Variants in PRMT8 observed in about 807,000 individuals in gnomAD.
The protein encoded by PRMT8 is protein arginine methyltransferase 8.
Under a neutral mutation model 47.1 loss-of-function variants are expected in PRMT8, and 7 were observed. That is an observed-to-expected ratio of 0.15 (90% CI 0.08 to 0.28). The LOEUF is 0.28. Among genes scored for constraint, PRMT8 ranks in the 10% least tolerant of loss-of-function variants. The probability of loss-of-function intolerance (pLI) is 1.00; values close to 1 mark genes in which losing one functional copy is unlikely to be tolerated. For synonymous variants in PRMT8, 188 were observed against 186.5 expected (o/e 1.01, Z -0.07); for missense variants, 237 against 505.4 (o/e 0.47, Z 5.09).
chr12:3,558,126 G>A (rs1866559827), intron 4 of PRMT8, among the ~76,000 whole-genome samples: 1 of 151,992 alleles, frequency 6.6e-6, no homozygotes, highest in Admixed American at 6.6e-5. Flanking sequence ...GGGCCGGCAG[G>A]GGAGGTGGCT....
intron 1 of PRMT8, among the ~76,000 whole-genome samples, chr12:3,517,017 A>G (rs1433135310): frequency 6.6e-6 from 1 of 152,118 alleles, no homozygotes; most frequent in Non-Finnish European, 1.5e-5. Context: ...TAAAAACAAC[A>G]ACAGCAACAA....
At chr12:3,461,569 C>G (rs1327150324) in intron 1 of PRMT8, among the ~76,000 whole-genome samples, 1 of 152,224 alleles carries the variant, frequency 6.6e-6, no homozygotes, top group Non-Finnish European at 1.5e-5. Flanking sequence ...ACGGAAGCTG[C>G]CAACAGCCCT....
At chr12:3,575,562 C>T (rs1165110692) in intron 6 of PRMT8, among the ~76,000 whole-genome samples, 1 of 152,210 alleles carries the variant, frequency 6.6e-6, no homozygotes, top group Non-Finnish European at 1.5e-5. Context: ...AGCCCTCGCC[C>T]CCCTGTTTCC....
chr12:3,495,561 G>A (rs1021016419), intron 1 of PRMT8, among the ~76,000 whole-genome samples: 3 of 152,190 alleles, frequency 2.0e-5, no homozygotes, highest in Non-Finnish European at 4.4e-5. Context: ...CCAGGGAGGG[G>A]CATTACCCTT....
intron 8 of PRMT8, among the ~76,000 whole-genome samples, chr12:3,590,821 C>T (rs1289196197): frequency 1.3e-5 from 2 of 152,090 alleles, no homozygotes; most frequent in Non-Finnish European, 1.5e-5. Flanking sequence ...TTCTTACCAT[C>T]ATTCATTTAT....
chr12:3,518,509 C>T (rs111345390), intron 1 of PRMT8, among the ~76,000 whole-genome samples: 3 of 151,618 alleles, frequency 2.0e-5, no homozygotes, highest in African/African-American at 4.9e-5. Context: ...TAATGTCAAT[C>T]GTGAATATTT....
intron 1 of PRMT8, among the ~76,000 whole-genome samples, chr12:3,417,537 T>C (rs1212705392): frequency 6.6e-6 from 1 of 152,162 alleles, no homozygotes; most frequent in Admixed American, 6.6e-5. Context: ...ATATAAATGT[T>C]TGGGGAGGGT....
Position 3,550,434 on chromosome 12 carries a change from C to A in PRMT8, c.417+343C>A. On this transcript the variant is annotated intron_variant, in intron 3 of 9. Transcript: ENST00000382622. The surrounding 1 kb of genome is among the most constrained non-coding windows in gnomAD (Gnocchi z 5.1). ...GGGGGAGCTCTGGTTTGAATCTCTG[C>A]ATTTCCATTCACTAGGCATGTGACC... The A allele has an allele frequency of 3.8e-6, 1 of 264,796 alleles. No homozygotes were observed. Among genetic ancestry groups the A allele is most frequent in the Non-Finnish European group, 7.4e-6 (1 of 134,480 alleles). 16.4% of individuals were successfully genotyped at this position (264,796 alleles called of 1,614,324 possible).
intron 1 of PRMT8, among the ~76,000 whole-genome samples, chr12:3,403,603 A>G (rs764313938): frequency 5.3e-5 from 8 of 152,018 alleles, no homozygotes; most frequent in Non-Finnish European, 1.2e-4. Flanking sequence ...CTTTAGGATG[A>G]GTGCGGTGGC....
intron 1 of PRMT8, among the ~76,000 whole-genome samples, chr12:3,428,694 C>A (rs1864634938): frequency 6.6e-6 from 1 of 150,692 alleles, no homozygotes; most frequent in Non-Finnish European, 1.5e-5. Context: ...GTATTTCTTT[C>A]TCTCTTTGAC....
chr12:3,518,555 G>A (rs538835138), intron 1 of PRMT8, among the ~76,000 whole-genome samples: 2 of 152,200 alleles, frequency 1.3e-5, no homozygotes, highest in African/African-American at 4.8e-5. Context: ...AATGAAAAGG[G>A]CAGCCATAAC....
chr12:3,580,337 C>CGTGTGTGTGTGTGT lies in PRMT8; in HGVS notation c.829-2704_829-2691dup, dbSNP rs57739335. Among the ~76,000 whole-genome samples, 2 of 145,538 alleles carry CGTGTGTGTGTGTGT rather than the reference C, an allele frequency of 1.4e-5. No homozygotes were observed. Among genetic ancestry groups the CGTGTGTGTGTGTGT allele is most frequent in the African/African-American group, 5.1e-5 (2 of 39,520 alleles). On this transcript the variant is annotated intron_variant, in intron 7 of 9. Coordinates refer to ENST00000382622, the MANE Select transcript of PRMT8 (RefSeq NM_019854.5). This position sits in a 1 kb window ranked among gnomAD's most constrained non-coding sequence, Gnocchi z 4.6. ...TCCTGCCAGATGGGGGGTGCGTGTG[C>CGTGTGTGTGTGTGT]GTGTGTGTGTGTGTGTGTGTGTGTG...
intron 1 of PRMT8, among the ~76,000 whole-genome samples, chr12:3,427,878 T>A (rs1295270450): frequency 1.3e-5 from 2 of 152,204 alleles, no homozygotes; most frequent in African/African-American, 4.8e-5. Context: ...AAAGTGAACT[T>A]CCTTTATGTC....
At chr12:3,519,124 CTT>C (rs1865839490) in intron 1 of PRMT8, among the ~76,000 whole-genome samples, 1 of 152,074 alleles carries the variant, frequency 6.6e-6, no homozygotes, top group African/African-American at 2.4e-5. Flanking sequence ...AACTGTCCGT[CTT>C]TGCAGACGGA....
chr12:3,499,189 C>CTTT (rs1865554191), intron 1 of PRMT8, among the ~76,000 whole-genome samples: 1 of 133,666 alleles, frequency 7.5e-6, no homozygotes, highest in African/African-American at 3.2e-5. Context: ...TTTTTTTTTC[C>CTTT]TTTCTTTTTT....
At chr12:3,478,736 T>C (rs1425293112) in intron 1 of PRMT8, among the ~76,000 whole-genome samples, 1 of 152,008 alleles carries the variant, frequency 6.6e-6, no homozygotes, top group Non-Finnish European at 1.5e-5. Flanking sequence ...TAATGGAAAA[T>C]ATTAGGGTCT....
intron 4 of PRMT8, among the ~76,000 whole-genome samples, chr12:3,554,042 C>T (rs1414399158): frequency 1.3e-5 from 2 of 152,206 alleles, no homozygotes; most frequent in Admixed American, 1.3e-4. Flanking sequence ...TCCTCCTCCT[C>T]TTCCTCCTCT....
At position 3,566,253 on chromosome 12, in the gene PRMT8, A is replaced by G. The variant is rs1866719156; in HGVS notation, c.482-2453A>G. Among the ~76,000 whole-genome samples the G allele has an allele frequency of 6.6e-6, 1 of 152,200 alleles. No homozygotes were observed. The highest frequency in any genetic ancestry group is 1.5e-5 in the Non-Finnish European group (1 of 68,028). ...AGGCACAATGTTTGCATTTTAAAAA[A>G]TCCTTTACTTTGCCACTCTATGAAT... On this transcript the variant is annotated intron_variant, in intron 4 of 9. Coordinates refer to ENST00000382622, the MANE Select transcript of PRMT8 (RefSeq NM_019854.5). This position sits in a 1 kb window ranked among gnomAD's most constrained non-coding sequence, Gnocchi z 4.7.
intron 1 of PRMT8, among the ~76,000 whole-genome samples, chr12:3,520,545 T>C (rs1370902231): frequency 6.6e-6 from 1 of 152,112 alleles, no homozygotes; most frequent in African/African-American, 2.4e-5. Flanking sequence ...TTAAATATCA[T>C]AAAATATCAA....
Sources: gnomAD v4.1 joint callset for allele counts (sites outside exome capture counted in the v4.1 genomes callset) on GRCh38, gnomAD v4.1.1 for gene constraint, Gnocchi (gnomAD v3.1) non-coding constraint, MANE v1.5 for transcripts, NCBI Gene and HGNC (gene_info 2026-07-23, HGNC 2026-07-21) for gene names.